IKZF4: variants seen among roughly 807,000 people sequenced by gnomAD.
IKZF4 encodes the protein zinc finger protein Eos.
In IKZF4, 11 loss-of-function variants were observed where a neutral mutation model predicts 47.7. The ratio of observed to expected loss-of-function variants is 0.23; its 90% CI spans 0.15 to 0.38. The LOEUF is 0.38. Ranked by LOEUF, IKZF4 falls within the 10% of genes least tolerant of loss-of-function variation. The probability of loss-of-function intolerance (pLI) is 1.00; values close to 1 mark genes in which losing one functional copy is unlikely to be tolerated. For synonymous variants in IKZF4, 298 were observed against 299.4 expected, an observed-to-expected ratio of 1.00 and a Z score of 0.05; for missense variants, 557 against 784.9, an observed-to-expected ratio of 0.71 and a Z score of 3.47.
intron 3 of IKZF4, 56 bp from the exon 4 acceptor site, chr12:56,026,725 T>C (rs1312136797): frequency 3.8e-6 from 5 of 1,322,296 alleles, no homozygotes; most frequent in South Asian, 1.8e-5. Context: ...CATTCTGGCC[T>C]GGGAGCAGCT....
At chr12:56,022,800 T>TC (rs1893254455) in intron 1 of IKZF4, among the ~76,000 whole-genome samples, 1 of 146,300 alleles carries the variant, frequency 6.8e-6, no homozygotes, top group South Asian at 2.2e-4. Flanking sequence ...AGTGTTTCTT[T>TC]TTTTTTTTTT....
chr12:56,008,966 C>G (rs1211606559), intron 1 of IKZF4, among the ~76,000 whole-genome samples: 2 of 152,122 alleles, frequency 1.3e-5, no homozygotes, highest in African/African-American at 4.8e-5. Flanking sequence ...CATGAGCCAC[C>G]GTGCCTGGCC....
At chr12:56,024,743 A>G in intron 2 of IKZF4, 2 of 1,235,646 alleles carry the variant, frequency 1.6e-6, no homozygotes, top group Non-Finnish European at 2.0e-6. Context: ...TGCAGCCCCC[A>G]TTTTCCTCTC....
Position 56,022,788 on chromosome 12 carries a change from T to C in IKZF4, c.88-883T>C, listed in dbSNP as rs932356268. Among the ~76,000 whole-genome samples the C allele has an allele frequency of 3.3e-5, 5 of 149,536 alleles. No homozygotes were observed. In the South Asian group the frequency reaches 1.1e-3, roughly 32 times the overall value. On this transcript the variant is annotated intron_variant, in intron 1 of 7. Coordinates refer to ENST00000547167, the MANE Select transcript of IKZF4 (RefSeq NM_022465.4). Reference sequence around the variant, plus strand: ...GAAAGCCACAAAGGATGCTTTTCCCTCAGTGTTTCTTTTTTTTTTTTTTTT... The same window carrying C: ...GAAAGCCACAAAGGATGCTTTTCCCCCAGTGTTTCTTTTTTTTTTTTTTTT...
intron 1 of IKZF4, chr12:56,010,057 CCA>C (rs376103105): frequency 3.3e-5 from 5 of 151,012 alleles, no homozygotes; most frequent in Admixed American, 6.6e-5. Flanking sequence ...CTCTCTCTCG[CCA>C]CACACACACA....
upstream of IKZF4, chr12:56,019,360 G>A (rs1001012932): frequency 4.1e-6 from 4 of 985,054 alleles, no homozygotes; most frequent in African/African-American, 7.0e-5. Context: ...AAAGGAGATA[G>A]CAAGATGGGT....
At chr12:56,024,417 A>G (rs1893601919) in intron 2 of IKZF4, among the ~76,000 whole-genome samples, 1 of 152,232 alleles carries the variant, frequency 6.6e-6, no homozygotes, top group South Asian at 2.1e-4. Context: ...GTTCCACACT[A>G]GCAGCTATGT....
upstream of IKZF4, chr12:56,019,498 C>A: frequency 7.1e-6 from 2 of 282,778 alleles, no homozygotes; most frequent in Non-Finnish European, 1.1e-5. Flanking sequence ...CTGCCACATG[C>A]TTGACAGAAT....
At chr12:56,023,810 G>A in intron 2 of IKZF4, 46 bp downstream of exon 2, 2 of 1,593,326 alleles carry the variant, frequency 1.3e-6, no homozygotes, top group Non-Finnish European at 1.7e-6. Flanking sequence ...ACTAATAGGT[G>A]GACTTCAGGG....
chr12:56,023,739 T>C lies in IKZF4; in HGVS notation c.156T>C (p.Phe52=), dbSNP rs1283921811. The change falls in exon 2 of 8, where the codon TTT becomes TTC. Residue 52 remains phenylalanine, a synonymous_variant. Transcript: ENST00000547167. ...FLPQAQDSNH[F]IMESLFCESS... is the part of the protein sequence containing the mutation. ...CTCAGGCCCAAGACTCCAACCATTT[T>C]ATAATGGAATCTTTATTTTGTGAAA... The C allele has an allele frequency of 9.9e-6, 16 of 1,613,786 alleles. No homozygotes were observed. The highest frequency in any genetic ancestry group is 1.3e-5 in the Non-Finnish European group (15 of 1,179,848).
chr12:56,019,651 G>A (rs1308496105), upstream of IKZF4, among the ~76,000 whole-genome samples: 1 of 152,184 alleles, frequency 6.6e-6, no homozygotes, highest in Non-Finnish European at 1.5e-5. Flanking sequence ...AAGTACACTT[G>A]GGACCCTGCT....
chr12:56,037,380 G>C lies in IKZF4; in HGVS notation c.*2049G>C, dbSNP rs1895711539. On this transcript the variant is annotated 3_prime_UTR_variant, in exon 8 of 8. Coordinates refer to ENST00000547167, the MANE Select transcript of IKZF4 (RefSeq NM_022465.4). ...CTAGAGAAAGGAAGAATCCTCAACG[G>C]CACCCTGGGGTGCTAGCTCCTTTTT... is the stretch of plus-strand genomic sequence containing the variant. 6.6e-6 allele frequency: 1 copy of C among 152,550 alleles called. No individual in the cohort carries two copies. The allele number at this position is 152,550 out of a possible 1,614,324, so 9.4% of individuals were successfully genotyped here. A position where few individuals can be genotyped will look rare whatever the true frequency, so the allele number is the denominator to read the frequency against.
chr12:56,025,544 C>A (rs955750662), intron 3 of IKZF4, among the ~76,000 whole-genome samples: 4 of 152,162 alleles, frequency 2.6e-5, no homozygotes, highest in Admixed American at 2.6e-4. Flanking sequence ...CCATGACTGC[C>A]TCTCCCCAGC....
intron 7 of IKZF4, among the ~76,000 whole-genome samples, chr12:56,034,090 A>G (rs933572509): frequency 6.6e-6 from 1 of 151,896 alleles, no homozygotes; most frequent in African/African-American, 2.4e-5. Flanking sequence ...TTTAGTAGAG[A>G]CGGGGTTTCA....
intron 5 of IKZF4, among the ~76,000 whole-genome samples, chr12:56,031,479 A>G (rs1894909168): frequency 6.6e-6 from 1 of 152,190 alleles, no homozygotes; most frequent in African/African-American, 2.4e-5. Flanking sequence ...TTGGGTGGAT[A>G]GGGACCATGG....
upstream of IKZF4, among the ~76,000 whole-genome samples, chr12:56,016,948 T>C (rs554392834): frequency 6.6e-6 from 1 of 152,014 alleles, no homozygotes; most frequent in Non-Finnish European, 1.5e-5. Context: ...CAGGCTGGTC[T>C]TGAACTCCTG....
intron 1 of IKZF4, among the ~76,000 whole-genome samples, chr12:56,008,836 G>A (rs963844976): frequency 6.6e-6 from 1 of 151,788 alleles, no homozygotes; most frequent in Non-Finnish European, 1.5e-5. Context: ...CACCACCCCT[G>A]GCTAATTTTT....
In IKZF4 at chr12:56,029,048, C is replaced by A. The variant is rs1007502823; in HGVS notation, c.715+1101C>A. Among the ~76,000 whole-genome samples the A allele has an allele frequency of 2.4e-4, 36 of 152,182 alleles. 1 individual carries two copies. The highest frequency in any genetic ancestry group is 1.5e-5 in the Non-Finnish European group (1 of 68,034). On this transcript the variant is annotated intron_variant, in intron 5 of 7. Coordinates refer to ENST00000547167, the MANE Select transcript of IKZF4 (RefSeq NM_022465.4). ...CCACACCACCAGAGGTCTTGAGCAA[C>A]CAGTCTGTCCTCTCCTTTACTTCCT...
chr12:56,035,388 TC>T lies in IKZF4; in HGVS notation c.*60del. ...CCACTGCCCTGACTACAGGCATTGA[TC>T]CCTGTCCCCACCATTTCCCAAGGAG... On this transcript the variant is annotated 3_prime_UTR_variant, in exon 8 of 8. Coordinates refer to ENST00000547167, the MANE Select transcript of IKZF4 (RefSeq NM_022465.4). The surrounding 1 kb of genome is among the most constrained non-coding windows in gnomAD (Gnocchi z 6.1). 2 of 1,537,642 alleles carry T rather than the reference TC, an allele frequency of 1.3e-6. No homozygotes were observed. Among genetic ancestry groups the T allele is most frequent in the African/African-American group, 2.7e-5 (2 of 72,932 alleles).
Sources: allele counts gnomAD v4.1 joint callset (sites outside exome capture counted in the v4.1 genomes callset), GRCh38; gene constraint gnomAD v4.1.1; non-coding constraint Gnocchi (gnomAD v3.1); transcripts MANE v1.5; gene names NCBI Gene and HGNC (gene_info 2026-07-23, HGNC 2026-07-21).